Variants in PCMT1 observed in about 807,000 individuals in gnomAD.
The protein encoded by PCMT1 is protein-L-isoaspartate(D-aspartate) O-methyltransferase.
PCMT1 carries 9 observed loss-of-function variants against 29.2 expected under a neutral mutation model. The observed-to-expected ratio is 0.31, with a 90% confidence interval of 0.19 to 0.54. The LOEUF is 0.54. Among genes scored for constraint, PCMT1 ranks in the 20% least tolerant of loss-of-function variants. The probability of loss-of-function intolerance (pLI) is 0.95; values close to 1 mark genes in which losing one functional copy is unlikely to be tolerated. For synonymous variants in PCMT1, 98 were observed against 97.5 expected (o/e 1.00, Z -0.03); for missense variants, 184 against 282.2 (o/e 0.65, Z 2.49).
At chr6:149,771,292 C>A in intron 2 of PCMT1, 26 bp downstream of exon 2, 1 of 1,308,350 alleles carries the variant, frequency 7.6e-7, no homozygotes, top group South Asian at 1.2e-5. Context: ...CTGAAAATAT[C>A]ATAGTTTTCA....
chr6:149,753,458 G>C (rs548569429), intron 1 of PCMT1, among the ~76,000 whole-genome samples: 1 of 151,622 alleles, frequency 6.6e-6, no homozygotes, highest in Non-Finnish European at 1.5e-5. Flanking sequence ...TCAGCCTCCC[G>C]AGTAGCTGGG....
intron 3 of PCMT1, among the ~76,000 whole-genome samples, chr6:149,784,592 G>A (rs1284119328): frequency 1.3e-5 from 2 of 151,734 alleles, no homozygotes; most frequent in East Asian, 3.9e-4. Context: ...AGCCTCTCGA[G>A]TAGCTGGGAC....
intron 1 of PCMT1, among the ~76,000 whole-genome samples, chr6:149,756,983 C>T (rs1786534965): frequency 6.6e-6 from 1 of 151,794 alleles, no homozygotes; most frequent in Non-Finnish European, 1.5e-5. Flanking sequence ...TGCGAAAACC[C>T]GTCTCTACTA....
chr6:149,790,133 T>G (rs1788295452), intron 4 of PCMT1, 75 bp downstream of exon 4: 1 of 801,092 alleles, frequency 1.2e-6, no homozygotes, highest in Non-Finnish European at 2.0e-6. Context: ...TTTTAACTAG[T>G]GGTTTTCATG....
At chr6:149,802,110 C>CA (rs1775844622) in intron 6 of PCMT1, 90 bp from the exon 7 acceptor site, 2 of 896,858 alleles carry the variant, frequency 2.2e-6, no homozygotes, top group South Asian at 4.2e-5. Flanking sequence ...GCCTGGGCGA[C>CA]AGAGTGAGAC....
chr6:149,785,355 C>CTTTTTTT (rs11310169), intron 3 of PCMT1, among the ~76,000 whole-genome samples: 4 of 73,230 alleles, frequency 5.5e-5, no homozygotes, highest in Non-Finnish European at 7.3e-5. Context: ...TGGCTGTTTT[C>CTTTTTTT]TTTTTTTTTT....
At chr6:149,787,321 A>C (rs71568291) in intron 3 of PCMT1, among the ~76,000 whole-genome samples, 35 of 138,092 alleles carry the variant, frequency 2.5e-4, no homozygotes, top group African/African-American at 2.9e-4. Flanking sequence ...GGAGAGGGAG[A>C]GGGAGCGGGA....
intron 3 of PCMT1, among the ~76,000 whole-genome samples, chr6:149,779,173 C>A (rs1312014618): frequency 6.6e-6 from 1 of 152,038 alleles, no homozygotes; most frequent in Non-Finnish European, 1.5e-5. Context: ...GTTCTTGCTT[C>A]CCTCCCTAGC....
At position 149,802,620 on chromosome 6, in the gene PCMT1, TTTG is replaced by T. The variant is rs376819310; in HGVS notation, c.*37+207_*37+209del. ...TTGGCACAAAGGCTTTTTTTGTTTG[TTTG>T]TTTGTTTTTTTTTTAGAGAGACTTT... On this transcript the variant is annotated intron_variant, in intron 7 of 7. Transcript: ENST00000464889. 1.1e-4 allele frequency: 57 copies of T among 515,870 alleles called. 1 individual carries two copies. Among genetic ancestry groups the T allele is most frequent in the African/African-American group, 2.5e-4 (8 of 32,148 alleles). 32.0% of individuals were successfully genotyped at this position (515,870 alleles called of 1,614,324 possible).
chr6:149,755,833 G>T (rs1786483585), intron 1 of PCMT1, among the ~76,000 whole-genome samples: 1 of 152,202 alleles, frequency 6.6e-6, no homozygotes. Context: ...AAGTGACAAA[G>T]TAGGGAGGGA....
chr6:149,762,826 A>ATC (rs1786857307), intron 1 of PCMT1, among the ~76,000 whole-genome samples: 1 of 54,312 alleles, frequency 1.8e-5, no homozygotes, highest in Non-Finnish European at 2.5e-5. Flanking sequence ...AATCTATGAT[A>ATC]TATATGATAT....
At chr6:149,782,712 C>T (rs955153177) in intron 3 of PCMT1, among the ~76,000 whole-genome samples, 6 of 150,636 alleles carry the variant, frequency 4.0e-5, no homozygotes, top group Admixed American at 6.6e-5. Context: ...CAGATTATAG[C>T]ACAGTGAATT....
At chr6:149,780,205 A>G (rs1041478640) in intron 3 of PCMT1, among the ~76,000 whole-genome samples, 4 of 151,758 alleles carry the variant, frequency 2.6e-5, no homozygotes, top group Non-Finnish European at 5.9e-5. Flanking sequence ...GCTGGGCGTG[A>G]TAGTACGTGC....
chr6:149,799,491 T>C (rs966080183), intron 6 of PCMT1, among the ~76,000 whole-genome samples: 13 of 152,178 alleles, frequency 8.5e-5, no homozygotes, highest in African/African-American at 2.7e-4. Flanking sequence ...ATCACCAAGA[T>C]AGTTTTAGGT....
intron 5 of PCMT1, chr6:149,794,681 G>A (rs1466614159): frequency 1.3e-5 from 5 of 382,760 alleles, no homozygotes; most frequent in African/African-American, 1.1e-4. Flanking sequence ...TCCCCTAGAG[G>A]GATCTGGCTG....
rs1231079400 is a variant in PCMT1 at position 149,786,405 on chromosome 6, G to C, written c.193-3549G>C. On this transcript the variant is annotated intron_variant, in intron 3 of 7. Coordinates refer to ENST00000464889, the MANE Select transcript of PCMT1 (RefSeq NM_001360452.2). ...TCCCTCCCGGACGGGGTGGCTGGCC[G>C]GGCGGGGGCTGACCCCCCACCTCCC... Among the ~76,000 whole-genome samples the C allele has an allele frequency of 3.7e-4, 50 of 134,864 alleles. 6 individuals are homozygous for C. Among genetic ancestry groups the C allele is most frequent in the African/African-American group, 1.5e-3 (50 of 34,464 alleles). The allele number at this position is 134,864 out of a possible 152,430, so 88.5% of individuals were successfully genotyped here. A position where few individuals can be genotyped will look rare whatever the true frequency, so the allele number is the denominator to read the frequency against.
chr6:149,793,455 G>A, intron 4 of PCMT1, 94 bp from the exon 5 acceptor site: 2 of 1,163,776 alleles, frequency 1.7e-6, no homozygotes, highest in Non-Finnish European at 2.3e-6. Context: ...TTTTCTCTTT[G>A]TAGAATATGA....
chr6:149,751,462 G>A (rs1405011644), intron 1 of PCMT1, among the ~76,000 whole-genome samples: 1 of 150,046 alleles, frequency 6.7e-6, no homozygotes, highest in Non-Finnish European at 1.5e-5. Context: ...GTACTGTTTG[G>A]CACATGGTTG....
chr6:149,804,118 A>G (rs1045702159), intron 7 of PCMT1, among the ~76,000 whole-genome samples: 18 of 151,518 alleles, frequency 1.2e-4, no homozygotes, highest in South Asian at 4.2e-4. Flanking sequence ...AAAGGCATTT[A>G]AAAAATTACT....
Sources: gnomAD v4.1 joint callset for allele counts (sites outside exome capture counted in the v4.1 genomes callset) on GRCh38, gnomAD v4.1.1 for gene constraint, MANE v1.5 for transcripts, NCBI Gene and HGNC (gene_info 2026-07-23, HGNC 2026-07-21) for gene names.